Variants in SPECC1 observed in about 807,000 individuals in gnomAD.
SPECC1 encodes the protein cytospin-B.
SPECC1 carries 62 observed loss-of-function variants against 104.1 expected under a neutral mutation model. The ratio of observed to expected loss-of-function variants is 0.60; its 90% confidence interval spans 0.49 to 0.74. SPECC1 has a LOEUF of 0.74. Among genes scored for constraint, SPECC1 ranks in the 30% least tolerant of loss-of-function variants. The pLI is 0.00. For synonymous variants in SPECC1, 513 were observed against 501.6 expected, an observed-to-expected ratio of 1.02 and a Z score of -0.30; for missense variants, 1,306 against 1,310.5, an observed-to-expected ratio of 1.00 and a Z score of 0.05.
chr17:20,211,888 G>C (rs150321256), intron 4 of SPECC1, among the ~76,000 whole-genome samples: 47 of 152,316 alleles, frequency 3.1e-4, no homozygotes, highest in African/African-American at 1.1e-3. Context: ...TGTGAGGTGA[G>C]GCCTAAGCAG....
At chr17:20,038,591 G>A (rs2045193856) in intron 1 of SPECC1, among the ~76,000 whole-genome samples, 1 of 151,982 alleles carries the variant, frequency 6.6e-6, no homozygotes, top group East Asian at 1.9e-4. Flanking sequence ...TAGTTGAGAC[G>A]GGGTTTCACC....
intron 1 of SPECC1, among the ~76,000 whole-genome samples, chr17:20,075,566 GAGA>G (rs1334455286): frequency 6.6e-5 from 10 of 152,134 alleles, no homozygotes; most frequent in African/African-American, 1.2e-4. Context: ...TACTCAGGAG[GAGA>G]AGAAGGAGGA....
chr17:20,298,978 G>GTGT lies in SPECC1; in HGVS notation c.3057+1901_3057+1902insTGT, dbSNP rs747414391. Among the ~76,000 whole-genome samples, 64 of 29,474 alleles carry GTGT rather than the reference G, an allele frequency of 2.2e-3. 1 individual carries two copies. The highest frequency in any genetic ancestry group is 0.01 in the African/African-American group (53 of 5,258). 19.3% of individuals were successfully genotyped at this position (29,474 alleles called of 152,430 possible). A position where few individuals can be genotyped will look rare whatever the true frequency, so the allele number is the denominator to read the frequency against. Reference sequence around the variant, plus strand: ...GTGTGTGTGTGTGTGTGTGTATGTAGAGAGAGAGAGAGAGAGAGGTGGGGG... The same window carrying GTGT: ...GTGTGTGTGTGTGTGTGTGTATGTAGTGTAGAGAGAGAGAGAGAGAGGTGGGGG... On this transcript the variant is annotated intron_variant, in intron 13 of 14. Coordinates refer to ENST00000395527, the MANE Select transcript of SPECC1 (RefSeq NM_001243439.2).
At chr17:20,274,374 C>G (rs2040505645) in intron 12 of SPECC1, among the ~76,000 whole-genome samples, 1 of 152,186 alleles carries the variant, frequency 6.6e-6, no homozygotes, top group African/African-American at 2.4e-5. Context: ...CTGTGAGTGT[C>G]AGTCAGTGCT....
intron 3 of SPECC1, among the ~76,000 whole-genome samples, chr17:20,186,868 C>G (rs974141686): frequency 3.9e-5 from 6 of 152,188 alleles, no homozygotes; most frequent in African/African-American, 1.4e-4. Flanking sequence ...GCCACTGAGC[C>G]TGGCCAATTT....
intron 3 of SPECC1, among the ~76,000 whole-genome samples, chr17:20,133,618 C>T (rs1476258545): frequency 1.3e-5 from 2 of 152,036 alleles, no homozygotes; most frequent in Admixed American, 1.3e-4. Flanking sequence ...TTGCAAACTA[C>T]TCCTCGGCCA....
At chr17:20,142,675 T>C (rs1007036435) in intron 3 of SPECC1, among the ~76,000 whole-genome samples, 20 of 152,112 alleles carry the variant, frequency 1.3e-4, no homozygotes, top group Admixed American at 1.2e-3. Flanking sequence ...CTTTTATAGG[T>C]ACCAAGTTTT....
intron 11 of SPECC1, among the ~76,000 whole-genome samples, chr17:20,259,022 G>C (rs1000726943): frequency 6.6e-6 from 1 of 152,256 alleles, no homozygotes; most frequent in Non-Finnish European, 1.5e-5. Flanking sequence ...AAACTTACGA[G>C]TGAGTAGATG....
At chr17:20,111,888 G>C (rs1233602506) in intron 3 of SPECC1, 1 of 797,402 alleles carries the variant, frequency 1.3e-6, no homozygotes, top group Non-Finnish European at 2.3e-6. Context: ...GCTGTATGTG[G>C]AACTTTATCT....
intron 8 of SPECC1, among the ~76,000 whole-genome samples, chr17:20,246,721 G>A (rs1383131927): frequency 2.0e-5 from 3 of 152,306 alleles, no homozygotes; most frequent in South Asian, 4.1e-4. Context: ...AACAGAATGT[G>A]CATCTGTCTA....
At chr17:20,310,286 G>C (rs2041895518) in intron 14 of SPECC1, among the ~76,000 whole-genome samples, 1 of 152,152 alleles carries the variant, frequency 6.6e-6, no homozygotes, top group African/African-American at 2.4e-5. Context: ...TGGTAGTTCT[G>C]TTTTAAGTTC....
chr17:20,240,208 T>C (rs1478302263), intron 7 of SPECC1, among the ~76,000 whole-genome samples: 1 of 151,244 alleles, frequency 6.6e-6, no homozygotes, highest in Non-Finnish European at 1.5e-5. Flanking sequence ...TGAGCCACCA[T>C]GCCCAGCCCT....
intron 4 of SPECC1, among the ~76,000 whole-genome samples, chr17:20,220,558 G>GTTTTT (rs34347184): frequency 1.6e-5 from 2 of 128,082 alleles, no homozygotes; most frequent in Admixed American, 7.8e-5. Context: ...GTTCTTAATA[G>GTTTTT]TTTTTTTTTT....
intron 13 of SPECC1, among the ~76,000 whole-genome samples, chr17:20,302,710 T>C (rs2041628976): frequency 6.7e-6 from 1 of 148,548 alleles, no homozygotes; most frequent in Non-Finnish European, 1.5e-5. Flanking sequence ...GCTCCGCTTG[T>C]GTTTTCACAA....
At chr17:20,069,789 C>T (rs558781337) in intron 1 of SPECC1, among the ~76,000 whole-genome samples, 3 of 152,014 alleles carry the variant, frequency 2.0e-5, no homozygotes, top group Non-Finnish European at 4.4e-5. Context: ...AGACTTTCCA[C>T]TTACTCATAC....
chr17:20,156,265 C>G (rs1384258050), intron 3 of SPECC1: 2 of 1,311,944 alleles, frequency 1.5e-6, no homozygotes, highest in Non-Finnish European at 1.9e-6. Context: ...GGTCGCGCCG[C>G]AGCCGCAACC....
chr17:20,250,388 A>T (rs1291850120), intron 9 of SPECC1, among the ~76,000 whole-genome samples: 1 of 152,236 alleles, frequency 6.6e-6, no homozygotes, highest in Non-Finnish European at 1.5e-5. Flanking sequence ...AGAAAAGCTA[A>T]TGCAAAATTA....
At chr17:20,040,303 T>C (rs1453595809) in intron 1 of SPECC1, among the ~76,000 whole-genome samples, 2 of 152,176 alleles carry the variant, frequency 1.3e-5, no homozygotes, top group Non-Finnish European at 2.9e-5. Flanking sequence ...TGCATACATT[T>C]AGTAGAAGCA....
intron 7 of SPECC1, among the ~76,000 whole-genome samples, chr17:20,242,850 C>T (rs566899313): frequency 1.3e-5 from 2 of 152,290 alleles, no homozygotes; most frequent in Admixed American, 6.5e-5. Context: ...ACACATGGTA[C>T]TGTGCTTGGC....
Sources: allele counts gnomAD v4.1 joint callset (sites outside exome capture counted in the v4.1 genomes callset), GRCh38; gene constraint gnomAD v4.1.1; transcripts MANE v1.5; gene names NCBI Gene and HGNC (gene_info 2026-07-23, HGNC 2026-07-21).